The following TRPM8 variants were observed in gnomAD, a reference collection of about 807,000 sequenced individuals.
TRPM8 encodes transient receptor potential cation channel subfamily M member 8.
Under a neutral mutation model 133.7 loss-of-function variants are expected in TRPM8, and 110 were observed. The observed-to-expected ratio is 0.82, with a 90% CI of 0.70 to 0.96. The LOEUF is 0.96. TRPM8 is among the 40% of genes least tolerant of loss of function. The pLI, the probability that TRPM8 is intolerant of heterozygous loss-of-function variation, is 0.00. For missense variants in TRPM8, 1,291 were observed against 1,379.5 expected, an observed-to-expected ratio of 0.94 and a Z score of 1.02; for synonymous variants, 535 against 532.3, an observed-to-expected ratio of 1.01 and a Z score of -0.07.
intron 22 of TRPM8, among the ~76,000 whole-genome samples, chr2:233,998,650 C>A (rs2125360827): frequency 6.6e-6 from 1 of 151,466 alleles, no homozygotes; most frequent in Admixed American, 6.6e-5. Flanking sequence ...TTAGGGTGAG[C>A]CGCCTGTGCC....
intron 9 of TRPM8, among the ~76,000 whole-genome samples, chr2:233,952,411 G>A (rs1691190908): frequency 6.6e-6 from 1 of 152,076 alleles, no homozygotes; most frequent in African/African-American, 2.4e-5. Context: ...CTTCCCGGAG[G>A]AAGTGATGTG....
chr2:233,988,833 G>A (rs905487796), intron 21 of TRPM8, among the ~76,000 whole-genome samples: 1 of 152,212 alleles, frequency 6.6e-6, no homozygotes, highest in African/African-American at 2.4e-5. Flanking sequence ...CAACATCTGA[G>A]CTGCAGAGAG....
At chr2:233,959,293 T>G (rs187718842) in intron 11 of TRPM8, among the ~76,000 whole-genome samples, 1,979 of 149,894 alleles carry the variant, frequency 0.013, 37 homozygotes, top group African/African-American at 0.047. Flanking sequence ...CCCAAAGTGC[T>G]GGGATTACAG....
intron 18 of TRPM8, among the ~76,000 whole-genome samples, chr2:233,981,294 G>A (rs563199300): frequency 1.3e-5 from 2 of 152,184 alleles, no homozygotes; most frequent in African/African-American, 2.4e-5. Flanking sequence ...GATCACTCCA[G>A]TTAGAAAGCA....
At chr2:233,949,829 A>G in intron 8 of TRPM8, 120 bp from the exon 9 acceptor site, 1 of 796,274 alleles carries the variant, frequency 1.3e-6, no homozygotes, top group Non-Finnish European at 2.0e-6. Context: ...AAAAGCCCCA[A>G]AGGAAAACGT....
chr2:233,921,312 C>T (rs1691401621), intron 1 of TRPM8, among the ~76,000 whole-genome samples: 1 of 152,164 alleles, frequency 6.6e-6, no homozygotes, highest in African/African-American at 2.4e-5. Context: ...CCTTTACAAT[C>T]ACCCCATCCT....
Position 233,960,884 on chromosome 2 carries a change from G to A in TRPM8, c.1471G>A (p.Asp491Asn). The change falls in exon 12 of 26, where the codon GAT (aspartate) becomes AAT (asparagine). Residue 491 changes from aspartate to asparagine, a missense_variant. Transcript: ENST00000324695. ...GAACCTACGGAAGTTTCTCACCCAT[G>A]ATGTCCTCACTGAACTCTTCTCCAA... is the stretch of plus-strand genomic sequence containing the variant. ...GLNLRKFLTH[D>N]VLTELFSNHF... The A allele has an allele frequency of 6.2e-7, 1 of 1,614,158 alleles. No individual in the cohort carries two copies. The highest frequency in any genetic ancestry group is 8.5e-7 in the Non-Finnish European group (1 of 1,180,046).
intron 12 of TRPM8, among the ~76,000 whole-genome samples, chr2:233,961,722 C>T (rs1691444193): frequency 6.7e-6 from 1 of 149,904 alleles, no homozygotes; most frequent in African/African-American, 2.5e-5. Context: ...CTCCACTTCC[C>T]AGATTCAAGC....
chr2:233,964,341 C>T (rs1691507286), intron 13 of TRPM8, among the ~76,000 whole-genome samples: 2 of 151,958 alleles, frequency 1.3e-5, no homozygotes, highest in African/African-American at 4.8e-5. Context: ...CACCTGAGGT[C>T]AGGAGTTCAA....
intron 11 of TRPM8, among the ~76,000 whole-genome samples, chr2:233,955,779 T>C (rs1691279773): frequency 6.6e-6 from 1 of 152,192 alleles, no homozygotes; most frequent in Non-Finnish European, 1.5e-5. Flanking sequence ...GTCCATGGCC[T>C]GTTAGGAACA....
At chr2:233,998,593 C>T (rs138890227) in intron 22 of TRPM8, among the ~76,000 whole-genome samples, 373 of 151,006 alleles carry the variant, frequency 2.5e-3, no homozygotes, top group Non-Finnish European at 4.2e-3. Context: ...AGTTAGGGTG[C>T]CAGCTTGTGC....
At position 233,983,363 on chromosome 2, in the gene TRPM8, C is replaced by T. The variant is rs926691122; in HGVS notation, c.2761+139C>T. ...TCCAACATAACAGAGTAAAAACTCACTCCTCAAAACCTCTTCTTTGCTCTT... is the reference window on the plus strand; with the variant it reads ...TCCAACATAACAGAGTAAAAACTCATTCCTCAAAACCTCTTCTTTGCTCTT... On this transcript the variant is annotated intron_variant, in intron 20 of 25. Transcript: ENST00000324695. The T allele has an allele frequency of 2.9e-5, 26 of 911,636 alleles. 1 individual carries two copies. Among genetic ancestry groups the T allele is most frequent in the Non-Finnish European group, 3.2e-5 (18 of 566,986 alleles). 56.5% of individuals were successfully genotyped at this position (911,636 alleles called of 1,614,324 possible). A position where few individuals can be genotyped will look rare whatever the true frequency, so the allele number is the denominator to read the frequency against.
intron 12 of TRPM8, among the ~76,000 whole-genome samples, chr2:233,962,174 G>A (rs1302741630): frequency 6.6e-6 from 1 of 152,150 alleles, no homozygotes; most frequent in Non-Finnish European, 1.5e-5. Flanking sequence ...CAATTTTGTG[G>A]CTGTAACACC....
intron 7 of TRPM8, among the ~76,000 whole-genome samples, chr2:233,946,746 C>T (rs150157635): frequency 7.2e-4 from 109 of 152,298 alleles, no homozygotes; most frequent in African/African-American, 2.6e-3. Flanking sequence ...CTCACTCAAG[C>T]AAGCATAGGA....
At chr2:234,002,628 G>A (rs952135958) in intron 22 of TRPM8, among the ~76,000 whole-genome samples, 2 of 152,192 alleles carry the variant, frequency 1.3e-5, no homozygotes, top group African/African-American at 4.8e-5. Context: ...TGGCGGAGGG[G>A]AGGGTCGTGA....
Position 233,953,961 on chromosome 2 carries a change from A to G in TRPM8, c.1185A>G (p.Lys395=). The G allele has an allele frequency of 6.2e-7, 1 of 1,614,056 alleles. No individual in the cohort carries two copies. Among genetic ancestry groups the G allele is most frequent in the Non-Finnish European group, 8.5e-7 (1 of 1,179,966 alleles). The part of the protein sequence containing the change: ...LECSHLLTVI[K]MEEAGDEIVS... ...GTTCTCACCTATTAACAGTTATTAA[A>G]ATGGAAGAAGCTGGGGATGAAATTG... The change falls in exon 10 of 26, where the codon AAA becomes AAG. Residue 395 remains lysine, a synonymous_variant. Transcript: ENST00000324695.
chr2:234,007,864 C>G (rs901108635), intron 23 of TRPM8, among the ~76,000 whole-genome samples: 2 of 152,196 alleles, frequency 1.3e-5, no homozygotes, highest in African/African-American at 4.8e-5. Context: ...TGCTGCACTT[C>G]TAATTGTGAT....
rs1419629817 is a variant in TRPM8 at position 233,927,862 on chromosome 2, C to CTTTCTT, written c.117+1210_117+1215dup. On this transcript the variant is annotated intron_variant, in intron 2 of 25. Transcript: ENST00000324695. The stretch of plus-strand genomic sequence containing the variant: ...TTCCTTCCTTCCTTCCTTTCTTTCT[C>CTTTCTT]TTTCTTTCTTTCTTTCTTTCTTTCT... Among the ~76,000 whole-genome samples, 27 of 31,650 alleles carry CTTTCTT rather than the reference C, an allele frequency of 8.5e-4. 3 individuals are homozygous for CTTTCTT. Among genetic ancestry groups the CTTTCTT allele is most frequent in the Non-Finnish European group, 9.6e-4 (20 of 20,924 alleles). The allele number at this position is 31,650 out of a possible 152,430, so 20.8% of individuals were successfully genotyped here. A position where few individuals can be genotyped will look rare whatever the true frequency, so the allele number is the denominator to read the frequency against.
At chr2:234,000,681 C>CT (rs11312917) in intron 22 of TRPM8, among the ~76,000 whole-genome samples, 19 of 145,454 alleles carry the variant, frequency 1.3e-4, no homozygotes, top group African/African-American at 1.3e-4. Context: ...AAGAAACAAC[C>CT]TTTTTTTTTT....
Sources: gnomAD v4.1 joint callset for allele counts (sites outside exome capture counted in the v4.1 genomes callset) on GRCh38, gnomAD v4.1.1 for gene constraint, MANE v1.5 for transcripts, NCBI Gene and HGNC (gene_info 2026-07-23, HGNC 2026-07-21) for gene names.